The following SUGCT variants were observed in gnomAD, a reference collection of about 807,000 sequenced individuals.
SUGCT encodes succinyl-CoA:glutarate CoA-transferase.
Under a neutral mutation model 55.0 loss-of-function variants are expected in SUGCT, and 41 were observed. The ratio of observed to expected loss-of-function variants is 0.74; its 90% CI spans 0.58 to 0.97. The LOEUF (loss-of-function observed/expected upper bound fraction) is 0.97. Among genes scored for constraint, SUGCT ranks in the 50% least tolerant of loss-of-function variants. The pLI, the probability that SUGCT is intolerant of heterozygous loss-of-function variation, is 0.00. For missense variants in SUGCT, 568 were observed against 547.8 expected (o/e 1.04, Z -0.37); for synonymous variants, 187 against 200.4 (o/e 0.93, Z 0.56).
chr7:40,478,333 C>G (rs1404534328), intron 11 of SUGCT, among the ~76,000 whole-genome samples: 1 of 152,142 alleles, frequency 6.6e-6, no homozygotes, highest in Non-Finnish European at 1.5e-5. Flanking sequence ...TACTTACTAC[C>G]TGTGCCAGGC....
chr7:40,333,535 G>A (rs61699559), intron 9 of SUGCT, among the ~76,000 whole-genome samples: 1,940 of 147,752 alleles, frequency 0.013, 34 homozygotes, highest in African/African-American at 0.044. Flanking sequence ...TACTTGGGAG[G>A]GTGAGGCAGG....
chr7:40,942,698 A>T, the SUGCT span, among the ~76,000 whole-genome samples: 1 of 151,762 alleles, frequency 6.6e-6, no homozygotes, highest in Non-Finnish European at 1.5e-5. Flanking sequence ...AACACTAATC[A>T]TTCTTTGGTT....
At chr7:40,185,688 A>C (rs1385741795) in intron 3 of SUGCT, among the ~76,000 whole-genome samples, 1 of 152,052 alleles carries the variant, frequency 6.6e-6, no homozygotes. Flanking sequence ...ACCCCCGGCT[A>C]ATTTTTTTAT....
At chr7:40,395,079 A>C (rs1785647879) in intron 9 of SUGCT, among the ~76,000 whole-genome samples, 1 of 152,130 alleles carries the variant, frequency 6.6e-6, no homozygotes, top group Non-Finnish European at 1.5e-5. Context: ...AAATGCACAA[A>C]CCATTTTTAT....
intron 12 of SUGCT, among the ~76,000 whole-genome samples, chr7:40,674,055 G>A (rs537056769): frequency 2.0e-5 from 3 of 152,134 alleles, no homozygotes; most frequent in East Asian, 1.9e-4. Context: ...GGATTGATCC[G>A]ATTAAAGATT....
the SUGCT span, among the ~76,000 whole-genome samples, chr7:40,934,597 C>A: frequency 6.6e-6 from 1 of 152,180 alleles, no homozygotes; most frequent in South Asian, 2.1e-4. Context: ...AGGGCTCTAC[C>A]CATTTTGAGC....
intron 8 of SUGCT, among the ~76,000 whole-genome samples, chr7:40,296,576 A>C (rs1253219274): frequency 1.3e-5 from 2 of 151,608 alleles, no homozygotes; most frequent in Non-Finnish European, 2.9e-5. Context: ...AAAATCTCAG[A>C]GAGAGGGGGA....
At chr7:40,594,851 C>G (rs1237850960) in intron 12 of SUGCT, among the ~76,000 whole-genome samples, 1 of 152,166 alleles carries the variant, frequency 6.6e-6, no homozygotes, top group African/African-American at 2.4e-5. Context: ...CCCATCTGCT[C>G]GGCTTCCCTG....
chr7:40,245,929 G>A (rs1789844182), intron 7 of SUGCT, among the ~76,000 whole-genome samples: 1 of 151,744 alleles, frequency 6.6e-6, no homozygotes, highest in African/African-American at 2.4e-5. Context: ...CTGCAGTCTG[G>A]GCTGAATCGA....
intron 8 of SUGCT, among the ~76,000 whole-genome samples, chr7:40,278,703 T>A (rs938053842): frequency 6.6e-6 from 1 of 152,052 alleles, no homozygotes; most frequent in Non-Finnish European, 1.5e-5. Flanking sequence ...TTCTCTCTCA[T>A]CTTTCTTTAC....
At chr7:41,038,153 G>A in the SUGCT span, among the ~76,000 whole-genome samples, 1 of 152,152 alleles carries the variant, frequency 6.6e-6, no homozygotes, top group Admixed American at 6.5e-5. Flanking sequence ...CTGCCTGCCC[G>A]GAGCTGGGAC....
At chr7:40,272,001 T>A (rs1419628746) in intron 7 of SUGCT, among the ~76,000 whole-genome samples, 1 of 151,012 alleles carries the variant, frequency 6.6e-6, no homozygotes, top group Non-Finnish European at 1.5e-5. Context: ...TTGTTGCAAA[T>A]GACAGGAATT....
chr7:40,276,883 C>T (rs777045277), intron 8 of SUGCT, among the ~76,000 whole-genome samples: 2 of 151,960 alleles, frequency 1.3e-5, no homozygotes, highest in Non-Finnish European at 2.9e-5. Context: ...AGACTAAATT[C>T]TATGACTGCT....
At chr7:40,849,784 A>G (rs1158492660) in intron 13 of SUGCT, among the ~76,000 whole-genome samples, 1 of 151,990 alleles carries the variant, frequency 6.6e-6, no homozygotes. Flanking sequence ...AGCTTGAGGG[A>G]TTCTCAGGGG....
At chr7:40,229,589 G>A (rs1467983897) in intron 6 of SUGCT, among the ~76,000 whole-genome samples, 1 of 151,690 alleles carries the variant, frequency 6.6e-6, no homozygotes, top group African/African-American at 2.4e-5. Context: ...GAGGCAAGTG[G>A]ATCACGAGGT....
At chr7:40,623,953 C>A (rs1213807091) in intron 12 of SUGCT, among the ~76,000 whole-genome samples, 1 of 152,136 alleles carries the variant, frequency 6.6e-6, no homozygotes, top group East Asian at 1.9e-4. Flanking sequence ...CACTTTATTT[C>A]TGTTAATGTT....
chr7:40,395,489 C>CAAAAAA (rs36068766), intron 9 of SUGCT, among the ~76,000 whole-genome samples: 6 of 46,120 alleles, frequency 1.3e-4, no homozygotes, highest in Non-Finnish European at 1.7e-4. Flanking sequence ...AACTCTGTCT[C>CAAAAAA]AAAAAAAAAA....
At chr7:40,508,240 G>GT (rs1183641693) in intron 12 of SUGCT, among the ~76,000 whole-genome samples, 1 of 152,138 alleles carries the variant, frequency 6.6e-6, no homozygotes, top group East Asian at 1.9e-4. Flanking sequence ...GCAGTGGATC[G>GT]TTTTACCTAC....
the SUGCT span, among the ~76,000 whole-genome samples, chr7:40,977,319 C>T: frequency 6.6e-6 from 1 of 152,172 alleles, no homozygotes; most frequent in African/African-American, 2.4e-5. Context: ...AGCATGCTGG[C>T]GACAAGGTTG....
Sources: allele counts gnomAD v4.1 joint callset (sites outside exome capture counted in the v4.1 genomes callset), GRCh38; gene constraint gnomAD v4.1.1; transcripts MANE v1.5; gene names NCBI Gene and HGNC (gene_info 2026-07-23, HGNC 2026-07-21).